The following CELF2 variants were observed in gnomAD, a reference collection of about 807,000 sequenced individuals.
The protein encoded by CELF2 is CUG triplet repeat RNA-binding protein 2.
A neutral mutation model predicts 62.6 loss-of-function variants in CELF2; 8 were observed. That is an observed-to-expected ratio of 0.13 (90% CI 0.07 to 0.23). CELF2 has a LOEUF of 0.23. Among genes scored for constraint, CELF2 ranks in the 10% least tolerant of loss-of-function variants. The pLI, the probability that CELF2 is intolerant of heterozygous loss-of-function variation, is 1.00. For synonymous variants in CELF2, 258 were observed against 250.0 expected, an observed-to-expected ratio of 1.03 and a Z score of -0.30; for missense variants, 333 against 671.0, an observed-to-expected ratio of 0.50 and a Z score of 5.56.
Position 11,211,858 on chromosome 10 carries a change from C to G in CELF2, c.272-5567C>G, listed in dbSNP as rs1488733877. 7.0e-5 allele frequency among the ~76,000 whole-genome samples: 10 copies of G among 142,376 alleles called. No homozygotes were observed. In the South Asian group the frequency reaches 2.0e-3, roughly 29 times the overall value. 93.4% of individuals were successfully genotyped at this position (142,376 alleles called of 152,430 possible). On this transcript the variant is annotated intron_variant, in intron 2 of 12. Transcript: ENST00000633077. This position sits in a 1 kb window ranked among gnomAD's most constrained non-coding sequence, Gnocchi z 4.8. ...TGTGTGTGTGTGTGTGTGTGTGTAA[C>G]TACCATTGGCCTTTGGGGCTTTATC... is the stretch of plus-strand genomic sequence containing the variant.
At chr10:10,715,463 C>A in the CELF2 span, among the ~76,000 whole-genome samples, 1 of 152,144 alleles carries the variant, frequency 6.6e-6, no homozygotes, top group African/African-American at 2.4e-5. Flanking sequence ...GTTTCCTATT[C>A]TTTGATGAGA....
the CELF2 span, among the ~76,000 whole-genome samples, chr10:10,726,485 G>C: frequency 6.6e-6 from 1 of 152,086 alleles, no homozygotes. Flanking sequence ...CCACCATATC[G>C]TTCATCGAGT....
the CELF2 span, among the ~76,000 whole-genome samples, chr10:10,672,227 A>G: frequency 6.6e-6 from 1 of 152,200 alleles, no homozygotes; most frequent in Non-Finnish European, 1.5e-5. Context: ...CATTCACAGA[A>G]CAGAAATATT....
At chr10:10,588,772 C>T in the CELF2 span, among the ~76,000 whole-genome samples, 3 of 152,168 alleles carry the variant, frequency 2.0e-5, no homozygotes, top group South Asian at 6.2e-4. Flanking sequence ...AACCCTAGAG[C>T]TATTCTCAAG....
rs185632502 is a variant in CELF2 at position 11,058,442 on chromosome 10, C to G, written c.74+40279C>G. Among the ~76,000 whole-genome samples, 233 of 144,862 alleles carry G rather than the reference C, an allele frequency of 1.6e-3. 1 individual carries two copies. The highest frequency in any genetic ancestry group is 7.3e-3 in the Middle Eastern group (2 of 274). ...CTATAAAAGCAAATTAGGTGAGGTA[C>G]TGTTGGTTTTTTTTGTTGGTTTTTT... On this transcript the variant is annotated intron_variant, in intron 1 of 12. Transcript: ENST00000633077.
the CELF2 span, among the ~76,000 whole-genome samples, chr10:10,630,081 TGTTA>T: frequency 6.6e-6 from 1 of 152,118 alleles, no homozygotes; most frequent in East Asian, 1.9e-4. Context: ...TGCTTTTGTT[TGTTA>T]TTTTTTTCTC....
At chr10:10,523,404 C>T in the CELF2 span, among the ~76,000 whole-genome samples, 984 of 152,278 alleles carry the variant, frequency 6.5e-3, 12 homozygotes, top group African/African-American at 0.023. Context: ...CATTCATTTA[C>T]TTCAACTTTT....
chr10:11,032,829 T>C (rs974169223), intron 1 of CELF2, among the ~76,000 whole-genome samples: 1 of 152,220 alleles, frequency 6.6e-6, no homozygotes. Flanking sequence ...AATAAATGTT[T>C]ATTGGGTCAT....
At chr10:10,870,242 C>G (rs923788891) in intron 1 of CELF2, among the ~76,000 whole-genome samples, 5 of 150,442 alleles carry the variant, frequency 3.3e-5, no homozygotes, top group Non-Finnish European at 7.4e-5. Flanking sequence ...AAGATATGTA[C>G]GTTAAATTTA....
chr10:10,858,285 C>T (rs1272258553), intron 1 of CELF2, among the ~76,000 whole-genome samples: 1 of 152,076 alleles, frequency 6.6e-6, no homozygotes, highest in African/African-American at 2.4e-5. Flanking sequence ...CTCTCATCAC[C>T]CAATGGACTA....
chr10:10,660,138 A>G, the CELF2 span, among the ~76,000 whole-genome samples: 1 of 152,216 alleles, frequency 6.6e-6, no homozygotes, highest in African/African-American at 2.4e-5. Flanking sequence ...AAAGAATTTC[A>G]TCAGGAACCT....
intron 8 of CELF2, among the ~76,000 whole-genome samples, chr10:11,277,026 A>G (rs1371104748): frequency 1.3e-5 from 2 of 152,244 alleles, no homozygotes; most frequent in African/African-American, 4.8e-5. Flanking sequence ...TAGGAAATCA[A>G]ATGCTGGACA....
Position 11,249,146 on chromosome 10 carries a change from T to C in CELF2, c.355-7T>C. On this transcript the variant is annotated splice_polypyrimidine_tract_variant and splice_region_variant and intron_variant, in intron 3 of 12. Coordinates refer to ENST00000633077, the MANE Select transcript of CELF2 (RefSeq NM_001326342.2). ...CTGCCTTTACTTTCTCCCTTTTGTG[T>C]TTTTAGATGCATCATCCCATTCAGA... 1 of 1,612,452 alleles carries C rather than the reference T, an allele frequency of 6.2e-7. No homozygotes were observed. Among genetic ancestry groups the C allele is most frequent in the Non-Finnish European group, 8.5e-7 (1 of 1,178,450 alleles).
At chr10:11,125,716 CACTT>C (rs2058571421) in intron 1 of CELF2, among the ~76,000 whole-genome samples, 2 of 152,130 alleles carry the variant, frequency 1.3e-5, no homozygotes, top group East Asian at 3.8e-4. Flanking sequence ...CTATCCTGTC[CACTT>C]ACTTTGTCAC....
the CELF2 span, among the ~76,000 whole-genome samples, chr10:10,627,822 G>C: frequency 1.3e-5 from 2 of 152,202 alleles, no homozygotes; most frequent in Admixed American, 6.5e-5. Flanking sequence ...CAGAAGATAA[G>C]CTCCATGGGA....
Position 10,822,056 on chromosome 10 carries a change from C to T in CELF2, c.53+23239C>T, listed in dbSNP as rs2057008049. On this transcript the variant is annotated intron_variant, in intron 1 of 13. Coordinates refer to the CELF2 transcript ENST00000636488. ...ACAGACTACACACAATGCAGCCACT[C>T]CTTCCCTTTCTATTCTCTCACAACC... Among the ~76,000 whole-genome samples, 3 of 152,234 alleles carry T rather than the reference C, an allele frequency of 2.0e-5. No individual in the cohort carries two copies. In the South Asian group the frequency reaches 6.2e-4, roughly 32 times the overall value.
chr10:10,734,096 T>C, the CELF2 span, among the ~76,000 whole-genome samples: 1 of 152,222 alleles, frequency 6.6e-6, no homozygotes, highest in Non-Finnish European at 1.5e-5. Context: ...ATGTTCATTT[T>C]TTTTTTAGCT....
chr10:10,977,077 G>C (rs950942586), intron 2 of CELF2, among the ~76,000 whole-genome samples: 2 of 151,164 alleles, frequency 1.3e-5, no homozygotes, highest in South Asian at 4.2e-4. Context: ...CCCTGATTTA[G>C]ACCAATTCTT....
At chr10:10,593,463 C>G in the CELF2 span, among the ~76,000 whole-genome samples, 1 of 152,172 alleles carries the variant, frequency 6.6e-6, no homozygotes. Context: ...CCCCAATGCC[C>G]AAGCATCTCT....
Sources: gnomAD v4.1 joint callset for allele counts (sites outside exome capture counted in the v4.1 genomes callset) on GRCh38, gnomAD v4.1.1 for gene constraint, Gnocchi (gnomAD v3.1) non-coding constraint, MANE v1.5 for transcripts, NCBI Gene and HGNC (gene_info 2026-07-23, HGNC 2026-07-21) for gene names.